CDH8: variants seen among roughly 807,000 people sequenced by gnomAD.
CDH8 encodes cadherin-8.
A neutral mutation model predicts 68.1 loss-of-function variants in CDH8; 17 were observed. That is an observed-to-expected ratio of 0.25 (90% CI 0.17 to 0.37). The LOEUF (loss-of-function observed/expected upper bound fraction) is 0.37. Among genes scored for constraint, CDH8 ranks in the 10% least tolerant of loss-of-function variants. The pLI, the probability that CDH8 is intolerant of heterozygous loss-of-function variation, is 1.00. For missense variants in CDH8, 763 were observed against 999.3 expected, an observed-to-expected ratio of 0.76 and a Z score of 3.19; for synonymous variants, 372 against 365.1, an observed-to-expected ratio of 1.02 and a Z score of -0.21.
intron 9 of CDH8, among the ~76,000 whole-genome samples, chr16:61,723,874 C>G (rs959036410): frequency 4.6e-5 from 7 of 150,610 alleles, no homozygotes; most frequent in Non-Finnish European, 1.0e-4. Context: ...AAATAATCTG[C>G]AAATGACTAT....
At chr16:61,872,306 T>C (rs1963384500) in intron 3 of CDH8, among the ~76,000 whole-genome samples, 1 of 152,324 alleles carries the variant, frequency 6.6e-6, no homozygotes, top group South Asian at 2.1e-4. Flanking sequence ...GAGGTCCTGA[T>C]AACATGTGCC....
chr16:61,756,585 A>G (rs1301956625), intron 8 of CDH8, among the ~76,000 whole-genome samples: 5 of 152,182 alleles, frequency 3.3e-5, no homozygotes, highest in Non-Finnish European at 5.9e-5. Flanking sequence ...TTGTCTAAAG[A>G]GAGCAATTAT....
intron 2 of CDH8, among the ~76,000 whole-genome samples, chr16:61,987,241 C>T (rs1413899609): frequency 6.6e-6 from 1 of 152,176 alleles, no homozygotes; most frequent in Non-Finnish European, 1.5e-5. Context: ...CCGTGGCTCA[C>T]ACCTGCAATC....
At chr16:61,779,369 A>C (rs1960983390) in intron 8 of CDH8, among the ~76,000 whole-genome samples, 1 of 148,928 alleles carries the variant, frequency 6.7e-6, no homozygotes, top group Non-Finnish European at 1.5e-5. Context: ...CAAACCAACA[A>C]TGCCTCATCT....
rs774856145 is a variant in CDH8 at position 61,789,463 on chromosome 16, T to C, written c.1297A>G (p.Thr433Ala). 6.2e-7 allele frequency: 1 copy of C among 1,612,784 alleles called. No homozygotes were observed. The highest frequency in any genetic ancestry group is 8.5e-7 in the Non-Finnish European group (1 of 1,179,218). ...SPIRFSIDRH[T>A]DLERQFNINA... ...ATGTTGAACTGCCTCTCCAGGTCAGTGTGCCGGTCGATGGAAAACCTACAA... is the reference window on the plus strand; with the variant it reads ...ATGTTGAACTGCCTCTCCAGGTCAGCGTGCCGGTCGATGGAAAACCTACAA... The change falls in exon 8 of 12, where the codon ACT becomes GCT. Residue 433 changes from threonine (T) to alanine (A), a missense_variant. Physicochemically the swap from Thr to Ala is moderately conservative, Grantham distance 58. Coordinates refer to ENST00000577390, the MANE Select transcript of CDH8 (RefSeq NM_001796.5).
At chr16:61,769,034 C>A (rs996756122) in intron 8 of CDH8, among the ~76,000 whole-genome samples, 1 of 151,752 alleles carries the variant, frequency 6.6e-6, no homozygotes. Flanking sequence ...AACACACACA[C>A]ACACAAGAAT....
intron 10 of CDH8, among the ~76,000 whole-genome samples, chr16:61,674,944 CAAA>C (rs576278729): frequency 5.7e-4 from 54 of 95,508 alleles, no homozygotes; most frequent in Non-Finnish European, 6.4e-4. Context: ...GAACAGAAAG[CAAA>C]AAAAAAAAAA....
chr16:61,697,479 C>G (rs1257009295), intron 10 of CDH8, among the ~76,000 whole-genome samples: 3 of 146,390 alleles, frequency 2.0e-5, no homozygotes, highest in Non-Finnish European at 4.5e-5. Context: ...GCAGTCAGAA[C>G]TACACTTTTG....
At chr16:61,959,192 A>G (rs971123785) in intron 2 of CDH8, among the ~76,000 whole-genome samples, 12 of 152,154 alleles carry the variant, frequency 7.9e-5, no homozygotes, top group African/African-American at 2.9e-4. Context: ...CACCTCTCAC[A>G]TAGGAAAGGC....
At chr16:61,729,997 A>G (rs544492215) in intron 8 of CDH8, among the ~76,000 whole-genome samples, 2 of 149,574 alleles carry the variant, frequency 1.3e-5, no homozygotes, top group Admixed American at 6.7e-5. Context: ...GTGTGCATGC[A>G]CACACACACA....
At chr16:61,912,116 A>G (rs1171530645) in intron 2 of CDH8, among the ~76,000 whole-genome samples, 1 of 152,124 alleles carries the variant, frequency 6.6e-6, no homozygotes, top group Non-Finnish European at 1.5e-5. Flanking sequence ...GGGAAGGAAC[A>G]CAGTAGATAA....
At chr16:61,662,087 GT>G in intron 10 of CDH8, among the ~76,000 whole-genome samples, 4,401 of 92,780 alleles carry the variant, frequency 0.047, 185 homozygotes, top group African/African-American at 0.13. Context: ...TTTTACTTTA[GT>G]TTTTTTTTTT....
At chr16:61,776,757 C>G (rs1408466194) in intron 8 of CDH8, among the ~76,000 whole-genome samples, 1 of 151,944 alleles carries the variant, frequency 6.6e-6, no homozygotes, top group Non-Finnish European at 1.5e-5. Context: ...ACATTATTAT[C>G]AAGTTTACCT....
At chr16:61,903,321 G>GTTTGT (rs1032736615) in intron 2 of CDH8, among the ~76,000 whole-genome samples, 4 of 152,106 alleles carry the variant, frequency 2.6e-5, no homozygotes, top group African/African-American at 9.7e-5. Context: ...GTTTTTGTTT[G>GTTTGT]TTTGTTTTGT....
chr16:61,980,232 A>G (rs1489583990), intron 2 of CDH8, among the ~76,000 whole-genome samples: 2 of 152,176 alleles, frequency 1.3e-5, no homozygotes, highest in African/African-American at 2.4e-5. Context: ...GAGTAACTCT[A>G]TTATCTCACA....
At chr16:62,033,046 G>A (rs1050973242) in intron 1 of CDH8, among the ~76,000 whole-genome samples, 1 of 152,132 alleles carries the variant, frequency 6.6e-6, no homozygotes, top group South Asian at 2.1e-4. Flanking sequence ...TCATTCTTTG[G>A]AGTTTCTGTG....
chr16:61,650,311 G>C lies in CDH8; in HGVS notation c.*3297C>G, dbSNP rs1015850709. The C allele has an allele frequency of 6.6e-6, 1 of 151,972 alleles. No homozygotes were observed. Among genetic ancestry groups the C allele is most frequent in the African/African-American group, 2.4e-5 (1 of 41,376 alleles). The allele number at this position is 151,972 out of a possible 1,614,324, so 9.4% of individuals were successfully genotyped here. ...GTAGAGGCTGAATTGATCCCATGTT[G>C]TGTCCAATCACCCAGGGATGCATCA... On this transcript the variant is annotated 3_prime_UTR_variant, in exon 12 of 12. Coordinates refer to ENST00000577390, the MANE Select transcript of CDH8 (RefSeq NM_001796.5).
At position 61,922,027 on chromosome 16, in the gene CDH8, GA is replaced by G. The variant is rs1339018831; in HGVS notation, c.253-20555del. On this transcript the variant is annotated intron_variant, in intron 2 of 11. Coordinates refer to ENST00000577390, the MANE Select transcript of CDH8 (RefSeq NM_001796.5). ...GCCTGGGCGACAGAGCAAGCCTGGG[GA>G]AAAAAAAAAATAGAGGTCACATCGA... Among the ~76,000 whole-genome samples the G allele has an allele frequency of 9.8e-3, 1,419 of 145,376 alleles. 9 individuals carry two copies. The highest frequency in any genetic ancestry group is 0.016 in the Non-Finnish European group (1,025 of 65,784).
rs1960657971 is a variant in CDH8 at position 61,768,340 on chromosome 16, CT to C, written c.1414+21005del. Among the ~76,000 whole-genome samples the C allele has an allele frequency of 2.2e-3, 244 of 109,848 alleles. 5 individuals carry two copies. The highest frequency in any genetic ancestry group is 8.5e-3 in the African/African-American group (227 of 26,576). 72.1% of individuals were successfully genotyped at this position (109,848 alleles called of 152,430 possible). A position where few individuals can be genotyped will look rare whatever the true frequency, so the allele number is the denominator to read the frequency against. Reference sequence around the variant, plus strand: ...TCTCTCTCTCTCTCTCTCTCTCTCTCTCTCTCTCTCTCTCTCTCTCTCTCTC... The same window carrying C: ...TCTCTCTCTCTCTCTCTCTCTCTCTCCTCTCTCTCTCTCTCTCTCTCTCTC... On this transcript the variant is annotated intron_variant, in intron 8 of 11. Coordinates refer to ENST00000577390, the MANE Select transcript of CDH8 (RefSeq NM_001796.5).
Sources: allele counts gnomAD v4.1 joint callset (sites outside exome capture counted in the v4.1 genomes callset), GRCh38; gene constraint gnomAD v4.1.1; transcripts MANE v1.5; gene names NCBI Gene and HGNC (gene_info 2026-07-23, HGNC 2026-07-21).